Variants in TMC1 observed in about 807,000 individuals in gnomAD.
TMC1 encodes transmembrane channel-like protein 1.
In TMC1, 84 loss-of-function variants were observed where a neutral mutation model predicts 105.8. The observed-to-expected ratio is 0.79, with a 90% CI of 0.67 to 0.95. The LOEUF is 0.95. Among genes scored for constraint, TMC1 ranks in the 40% least tolerant of loss-of-function variants. The pLI is 0.00. For synonymous variants in TMC1, 315 were observed against 311.5 expected (o/e 1.01, Z -0.12); for missense variants, 817 against 914.1 (o/e 0.89, Z 1.37).
At chr9:72,567,192 A>G (rs1000499893) in intron 1 of TMC1, among the ~76,000 whole-genome samples, 1 of 152,154 alleles carries the variant, frequency 6.6e-6, no homozygotes, top group Non-Finnish European at 1.5e-5. Flanking sequence ...CGTTCCAAGC[A>G]TATGTCTGTC....
At chr9:72,541,987 T>G (rs1029148848) in intron 1 of TMC1, among the ~76,000 whole-genome samples, 3 of 151,584 alleles carry the variant, frequency 2.0e-5, no homozygotes, top group African/African-American at 7.3e-5. Context: ...AAACCAAAAA[T>G]AAAAAATCTG....
rs921441674 is a variant in TMC1, at chr9:72,821,424, C to T, written c.2003+343C>T. 3.3e-5 allele frequency among the ~76,000 whole-genome samples: 5 copies of T among 151,430 alleles called. No individual in the cohort carries two copies. In the South Asian group the frequency reaches 1.0e-3, roughly 31 times the overall value. Reference sequence around the variant, plus strand: ...GGCTGAGGCAGGAGAATCACTTGAGCTCAGGAGGCGGAGGTTGCAGTGAGC... The same window carrying T: ...GGCTGAGGCAGGAGAATCACTTGAGTTCAGGAGGCGGAGGTTGCAGTGAGC... On this transcript the variant is annotated intron_variant, in intron 20 of 23. Coordinates refer to ENST00000297784, the MANE Select transcript of TMC1 (RefSeq NM_138691.3).
intron 21 of TMC1, among the ~76,000 whole-genome samples, chr9:72,827,518 A>G (rs1360753691): frequency 6.6e-6 from 1 of 152,242 alleles, no homozygotes; most frequent in Non-Finnish European, 1.5e-5. Context: ...TCACGATAAT[A>G]GAATCAGAGG....
intron 5 of TMC1, among the ~76,000 whole-genome samples, chr9:72,650,140 A>C (rs1825776705): frequency 1.3e-5 from 2 of 152,210 alleles, no homozygotes; most frequent in Admixed American, 1.3e-4. Context: ...AAAATACAGA[A>C]TCCCACCACA....
At chr9:72,612,272 G>T (rs1343842506) in intron 2 of TMC1, among the ~76,000 whole-genome samples, 2 of 152,134 alleles carry the variant, frequency 1.3e-5, no homozygotes, top group Middle Eastern at 3.2e-3. Flanking sequence ...CCTGGCTTAG[G>T]TGATCCTTCC....
At chr9:72,649,107 G>A (rs1317487791) in intron 5 of TMC1, among the ~76,000 whole-genome samples, 1 of 152,174 alleles carries the variant, frequency 6.6e-6, no homozygotes, top group Non-Finnish European at 1.5e-5. Context: ...GAGGAAGCAG[G>A]TAAAGTCAGG....
chr9:72,694,506 T>G (rs1216956168), intron 6 of TMC1, 37 bp from the exon 7 acceptor site: 1 of 1,601,112 alleles, frequency 6.2e-7, no homozygotes, highest in African/African-American at 1.3e-5. Context: ...AGGAAGCACT[T>G]TCTGACATTA....
chr9:72,799,863 G>A (rs914035560), intron 17 of TMC1, among the ~76,000 whole-genome samples: 1 of 152,114 alleles, frequency 6.6e-6, no homozygotes, highest in African/African-American at 2.4e-5. Context: ...TGTGGATTAT[G>A]TGAGCAGGCT....
chr9:72,836,744 AG>A lies in TMC1; in HGVS notation c.*772del, dbSNP rs1405715666. On this transcript the variant is annotated 3_prime_UTR_variant, in exon 24 of 24. Transcript: ENST00000297784. ...TCATAAATGACTGTTGTTCTCTCAC[AG>A]TCTGCTCATTTGTCTTCCAATGATC... 1 of 152,124 alleles carries A rather than the reference AG, an allele frequency of 6.6e-6. No homozygotes were observed. Among genetic ancestry groups the A allele is most frequent in the Non-Finnish European group, 1.5e-5 (1 of 68,042 alleles). 9.4% of individuals were successfully genotyped at this position (152,124 alleles called of 1,614,324 possible).
intron 13 of TMC1, among the ~76,000 whole-genome samples, chr9:72,778,183 T>G (rs1007037178): frequency 6.6e-6 from 1 of 152,150 alleles, no homozygotes; most frequent in African/African-American, 2.4e-5. Flanking sequence ...TCAAGAATTT[T>G]AAATAGTTGA....
intron 20 of TMC1, 45 bp downstream of exon 20, chr9:72,821,126 G>A: frequency 6.2e-7 from 1 of 1,613,348 alleles, no homozygotes; most frequent in Non-Finnish European, 8.5e-7. Context: ...GTTCTTTCGG[G>A]GGTGGAGGTG....
chr9:72,834,043 T>A (rs1829081792), intron 23 of TMC1, among the ~76,000 whole-genome samples: 1 of 150,898 alleles, frequency 6.6e-6, no homozygotes, highest in Non-Finnish European at 1.5e-5. Flanking sequence ...TTTTTTTTCA[T>A]GTAGAATTTC....
chr9:72,573,047 CATT>C (rs1172855223), intron 1 of TMC1, among the ~76,000 whole-genome samples: 5 of 152,080 alleles, frequency 3.3e-5, no homozygotes, highest in African/African-American at 9.7e-5. Context: ...AATGCTATCT[CATT>C]ATTGTTTAAA....
At chr9:72,581,260 T>C (rs1340838153) in intron 2 of TMC1, among the ~76,000 whole-genome samples, 1 of 152,192 alleles carries the variant, frequency 6.6e-6, no homozygotes, top group African/African-American at 2.4e-5. Context: ...GAAAACTTAA[T>C]TTAGGGTTCT....
intron 10 of TMC1, among the ~76,000 whole-genome samples, chr9:72,746,027 T>G (rs1015870336): frequency 3.3e-5 from 5 of 152,208 alleles, no homozygotes; most frequent in African/African-American, 1.2e-4. Context: ...AAAATTTGAA[T>G]GCAAAACAGA....
intron 8 of TMC1, among the ~76,000 whole-genome samples, chr9:72,710,759 A>G (rs1429036040): frequency 6.6e-6 from 1 of 152,150 alleles, no homozygotes; most frequent in Admixed American, 6.6e-5. Context: ...AGTCTCTTGA[A>G]GACAGCAGAT....
intron 5 of TMC1, among the ~76,000 whole-genome samples, chr9:72,678,593 A>T (rs1826240584): frequency 1.3e-5 from 2 of 152,040 alleles, no homozygotes; most frequent in African/African-American, 2.4e-5. Context: ...CTTGGCACAA[A>T]GAAGGATCTT....
intron 8 of TMC1, among the ~76,000 whole-genome samples, chr9:72,715,218 T>C (rs1370212115): frequency 1.3e-5 from 2 of 152,218 alleles, no homozygotes; most frequent in African/African-American, 4.8e-5. Context: ...TCAACCTTGG[T>C]AAATCTGATG....
chr9:72,620,052 C>T (rs1825218009), intron 3 of TMC1, among the ~76,000 whole-genome samples: 1 of 151,948 alleles, frequency 6.6e-6, no homozygotes, highest in South Asian at 2.1e-4. Flanking sequence ...CCAGGATAGT[C>T]TCAATCTCTT....
Sources: allele counts gnomAD v4.1 joint callset (sites outside exome capture counted in the v4.1 genomes callset), GRCh38; gene constraint gnomAD v4.1.1; transcripts MANE v1.5; gene names NCBI Gene and HGNC (gene_info 2026-07-23, HGNC 2026-07-21).